APBB2: variants seen among roughly 807,000 people sequenced by gnomAD.
APBB2 encodes amyloid beta precursor protein binding family B member 2.
A neutral mutation model predicts 82.5 loss-of-function variants in APBB2; 38 were observed. The observed-to-expected ratio is 0.46, with a 90% CI of 0.36 to 0.60. The LOEUF (loss-of-function observed/expected upper bound fraction) is 0.60, where lower values mean the gene tolerates loss of function less well. Ranked by LOEUF, APBB2 falls within the 20% of genes least tolerant of loss-of-function variation. The pLI is 0.00. For missense variants in APBB2, 772 were observed against 972.3 expected (o/e 0.79, Z 2.74); for synonymous variants, 341 against 368.2 (o/e 0.93, Z 0.85).
intron 6 of APBB2, among the ~76,000 whole-genome samples, chr4:41,011,211 C>T (rs572086003): frequency 4.2e-4 from 64 of 151,116 alleles, no homozygotes; most frequent in African/African-American, 1.4e-3. Context: ...GATGGAGTCT[C>T]GCTCTGTTGC....
chr4:40,849,281 T>G (rs550898033), intron 12 of APBB2, among the ~76,000 whole-genome samples: 1 of 152,336 alleles, frequency 6.6e-6, no homozygotes, highest in South Asian at 2.1e-4. Flanking sequence ...CTGAGAAGAT[T>G]ATTAATCTCT....
chr4:40,966,872 C>A, intron 6 of APBB2, among the ~76,000 whole-genome samples: 1 of 152,148 alleles, frequency 6.6e-6, no homozygotes, highest in Non-Finnish European at 1.5e-5. Context: ...GGCTCCTGGG[C>A]AGAAAGGGTC....
At position 41,138,327 on chromosome 4, in the gene APBB2, A is replaced by C. The variant is rs531978184; in HGVS notation, c.-261+4660T>G. ...AATTAAAAACTTCTGAGCACCAAAC[A>C]ACACCGTTAAGAAAATAAGTTTATA... On this transcript the variant is annotated intron_variant, in intron 2 of 17. Coordinates refer to ENST00000508593, the MANE Select transcript of APBB2 (RefSeq NM_004307.2). Among the ~76,000 whole-genome samples, 3 of 152,332 alleles carry C rather than the reference A, an allele frequency of 2.0e-5. No homozygotes were observed. The East Asian group carries it at 5.8e-4, about 29-fold the overall frequency.
At chr4:41,145,251 T>C (rs368829062) in intron 1 of APBB2, among the ~76,000 whole-genome samples, 12 of 152,254 alleles carry the variant, frequency 7.9e-5, no homozygotes, top group African/African-American at 2.4e-4. Flanking sequence ...CAAGACACAA[T>C]GGTGGAATCT....
chr4:40,907,698 A>G (rs1777415006), intron 10 of APBB2, among the ~76,000 whole-genome samples: 2 of 110,280 alleles, frequency 1.8e-5, no homozygotes, highest in African/African-American at 3.6e-5. Flanking sequence ...TTTTTGAGAC[A>G]GGGTCTTGCT....
intron 6 of APBB2, among the ~76,000 whole-genome samples, chr4:40,952,185 CA>C (rs61159163): frequency 0.2 from 22,082 of 109,494 alleles, 1,386 homozygotes; most frequent in East Asian, 0.38. Flanking sequence ...GACTCTGTCT[CA>C]AAAAAAAAAA....
intron 12 of APBB2, among the ~76,000 whole-genome samples, chr4:40,857,596 T>C (rs1761687119): frequency 6.6e-6 from 1 of 152,012 alleles, no homozygotes; most frequent in Non-Finnish European, 1.5e-5. Context: ...TCAGCCTCCC[T>C]AGCAGCTGGG....
chr4:41,083,571 G>A (rs10020917), intron 3 of APBB2, among the ~76,000 whole-genome samples: 268 of 150,404 alleles, frequency 1.8e-3, no homozygotes, highest in African/African-American at 6.0e-3. Context: ...ACCTATAGTC[G>A]CAGCTACTCA....
chr4:40,857,422 T>C (rs190989115), intron 12 of APBB2, among the ~76,000 whole-genome samples: 1 of 152,222 alleles, frequency 6.6e-6, no homozygotes, highest in East Asian at 1.9e-4. Context: ...TCAAACCCAC[T>C]GAACCTCTTT....
At chr4:40,880,037 G>C (rs1039286166) in intron 12 of APBB2, 2 of 985,386 alleles carry the variant, frequency 2.0e-6, no homozygotes, top group Admixed American at 6.1e-5. Flanking sequence ...TTAATAAAAA[G>C]AGTGTCACTG....
rs1315830652 is a variant in APBB2, at chr4:40,812,988, C to T, written c.*3104G>A. The stretch of plus-strand genomic sequence containing the variant: ...ACGAAGCACCAAGCAGTGCTTTAGT[C>T]TGCAAAGGAAAGTTTTTAGCCATAG... On this transcript the variant is annotated 3_prime_UTR_variant, in exon 18 of 18. Transcript: ENST00000508593. The T allele has an allele frequency of 6.6e-6, 1 of 152,200 alleles. No individual in the cohort carries two copies. The highest frequency in any genetic ancestry group is 1.5e-5 in the Non-Finnish European group (1 of 68,040). 9.4% of individuals were successfully genotyped at this position (152,200 alleles called of 1,614,324 possible). A position where few individuals can be genotyped will look rare whatever the true frequency, so the allele number is the denominator to read the frequency against.
At chr4:40,919,154 C>T (rs773338262) in intron 10 of APBB2, among the ~76,000 whole-genome samples, 23 of 152,180 alleles carry the variant, frequency 1.5e-4, no homozygotes, top group Non-Finnish European at 3.1e-4. Flanking sequence ...AAGTGCTTTA[C>T]GTAAATGTGC....
chr4:41,073,212 C>G (rs978872930), intron 3 of APBB2, among the ~76,000 whole-genome samples: 1 of 152,110 alleles, frequency 6.6e-6, no homozygotes, highest in Non-Finnish European at 1.5e-5. Context: ...TACTTCACTG[C>G]TCATATAGCA....
chr4:41,000,059 ATATGTGTGTATGTGTGTG>A (rs1485488000), intron 6 of APBB2, among the ~76,000 whole-genome samples: 9 of 92,974 alleles, frequency 9.7e-5, no homozygotes, highest in East Asian at 4.7e-4. Flanking sequence ...ATATGTATAT[ATATGTGTGTATGTGTGTG>A]TGTGTGTGTG....
At chr4:41,016,796 G>A (rs1810093008) in intron 5 of APBB2, among the ~76,000 whole-genome samples, 2 of 151,918 alleles carry the variant, frequency 1.3e-5, no homozygotes, top group African/African-American at 4.8e-5. Flanking sequence ...GAATAGAAAA[G>A]GACCATCCAA....
intron 5 of APBB2, among the ~76,000 whole-genome samples, chr4:41,018,203 C>T (rs1000746174): frequency 6.6e-6 from 1 of 152,182 alleles, no homozygotes; most frequent in Non-Finnish European, 1.5e-5. Context: ...GACCACCATA[C>T]CTCAAGCCAC....
chr4:41,074,819 GTTTTT>G, intron 3 of APBB2, among the ~76,000 whole-genome samples: 2 of 151,534 alleles, frequency 1.3e-5, no homozygotes, highest in Admixed American at 6.6e-5. Context: ...CCATATTATT[GTTTTT>G]TTTAAAAGGA....
At chr4:40,941,919 G>C (rs776926955) in intron 7 of APBB2, among the ~76,000 whole-genome samples, 1 of 152,118 alleles carries the variant, frequency 6.6e-6, no homozygotes, top group African/African-American at 2.4e-5. Context: ...TTACAGGCGT[G>C]AGCTGCAGCA....
intron 16 of APBB2, chr4:40,822,336 G>C (rs1377834510): frequency 2.9e-6 from 1 of 344,050 alleles, no homozygotes; most frequent in Non-Finnish European, 5.4e-6. Context: ...TGTGGGGAGG[G>C]ACAGTGCCGT....
Sources: gnomAD v4.1 joint callset for allele counts (sites outside exome capture counted in the v4.1 genomes callset) on GRCh38, gnomAD v4.1.1 for gene constraint, MANE v1.5 for transcripts, NCBI Gene and HGNC (gene_info 2026-07-23, HGNC 2026-07-21) for gene names.